Variants in RP1L1 observed in about 807,000 individuals in gnomAD.
RP1L1 encodes the protein RP1 like 1.
In RP1L1, 27 loss-of-function variants were observed where a neutral mutation model predicts 15.7. The ratio of observed to expected loss-of-function variants is 1.72; its 90% CI spans 1.27 to 2.38. The LOEUF (loss-of-function observed/expected upper bound fraction) is 2.38. RP1L1 is among the 30% of genes most tolerant of loss of function. The pLI is 0.00. For synonymous variants in RP1L1, 1,813 were observed against 1,276.7 expected (o/e 1.42, Z -8.96); for missense variants, 4,798 against 3,075.9 (o/e 1.56, Z -13.24).
intron 1 of RP1L1, among the ~76,000 whole-genome samples, chr8:10,648,329 G>A (rs1410463516): frequency 6.6e-6 from 1 of 152,076 alleles, no homozygotes; most frequent in African/African-American, 2.4e-5. Flanking sequence ...ACCGCACCTG[G>A]CCAATTTTCT....
chr8:10,616,710 A>T, intron 2 of RP1L1, 123 bp from the exon 3 acceptor site: 1 of 1,152,294 alleles, frequency 8.7e-7, no homozygotes, highest in Non-Finnish European at 1.2e-6. Context: ...CTCACCCCAG[A>T]CTCCTGGTCC....
intron 1 of RP1L1, among the ~76,000 whole-genome samples, chr8:10,647,264 G>A (rs1404675873): frequency 6.6e-6 from 1 of 152,174 alleles, no homozygotes; most frequent in East Asian, 1.9e-4. Flanking sequence ...TCCTTCCCAG[G>A]GGACATATCT....
At chr8:10,632,207 G>A (rs1798263606) in intron 1 of RP1L1, among the ~76,000 whole-genome samples, 1 of 152,172 alleles carries the variant, frequency 6.6e-6, no homozygotes, top group Admixed American at 6.5e-5. Flanking sequence ...GGGCACCAAT[G>A]TCCGACTGTG....
In RP1L1 at chr8:10,606,773, C is replaced by G. The variant is rs551888547; in HGVS notation, c.*122G>C. On this transcript the variant is annotated 3_prime_UTR_variant, in exon 4 of 4. Coordinates refer to ENST00000382483, the MANE Select transcript of RP1L1 (RefSeq NM_178857.6). ...GCATGGGCTGTGTCCTTGGCAAGTCCTTGGTCTTTGTCCATGTACTATGGA... is the reference window on the plus strand; with the variant it reads ...GCATGGGCTGTGTCCTTGGCAAGTCGTTGGTCTTTGTCCATGTACTATGGA... 151 of 1,529,694 alleles carry G rather than the reference C, an allele frequency of 9.9e-5. No individual in the cohort carries two copies. The East Asian group carries it at 3.5e-3, about 35-fold the overall frequency. The allele number at this position is 1,529,694 out of a possible 1,614,324, so 94.8% of individuals were successfully genotyped here.
At chr8:10,624,657 C>A (rs577990443) in intron 1 of RP1L1, among the ~76,000 whole-genome samples, 1 of 150,076 alleles carries the variant, frequency 6.7e-6, no homozygotes, top group Non-Finnish European at 1.5e-5. Context: ...GGTGGAAGGC[C>A]GGGAGGAGAA....
At chr8:10,616,424 G>T in intron 3 of RP1L1, 22 bp downstream of exon 3, 1 of 1,614,154 alleles carries the variant, frequency 6.2e-7, no homozygotes, top group East Asian at 2.2e-5. Flanking sequence ...ATCAGATGGG[G>T]GAAACCCAAA....
chr8:10,615,651 C>T (rs952957139), intron 3 of RP1L1, among the ~76,000 whole-genome samples: 19 of 152,138 alleles, frequency 1.2e-4, no homozygotes, highest in African/African-American at 4.6e-4. Flanking sequence ...CCCTCAGCCT[C>T]CTGAGTAGCT....
At chr8:10,616,636 T>C in intron 2 of RP1L1, 49 bp from the exon 3 acceptor site, 2 of 1,577,572 alleles carry the variant, frequency 1.3e-6, no homozygotes, top group Non-Finnish European at 8.6e-7. Context: ...CAGAAACCCC[T>C]CTACCCTGAG....
At chr8:10,653,459 A>AACACACACACACACACAC (rs57172931) in intron 1 of RP1L1, among the ~76,000 whole-genome samples, 21 of 148,812 alleles carry the variant, frequency 1.4e-4, no homozygotes, top group African/African-American at 3.7e-4. Context: ...GTCTCCCTCC[A>AACACACACACACACACAC]ACACACACAC....
chr8:10,612,678 TG>T lies in RP1L1; in HGVS notation c.1419del (p.Arg474GlyfsTer16). 1 of 1,602,336 alleles carries T rather than the reference TG, an allele frequency of 6.2e-7. No individual in the cohort carries two copies. On this transcript the variant is annotated frameshift_variant, in exon 4 of 4. Coordinates refer to ENST00000382483, the MANE Select transcript of RP1L1 (RefSeq NM_178857.6). LOFTEE classifies it low-confidence loss of function (END_TRUNC). ...EGSEPESSCCPRTPEDGVDSA... is the reference protein window; with the variant it reads ...EGSEPESSCCXRTPEDGVDSA... ...CTGTCCACCCCGTCCTCCGGGGTCCTGGGGCAGCAGGAGGACTCTGGCTCCG... is the reference window on the plus strand; with the variant it reads ...CTGTCCACCCCGTCCTCCGGGGTCCTGGGCAGCAGGAGGACTCTGGCTCCG...
In RP1L1 at chr8:10,611,986, A is replaced by G. The variant is rs372077597; in HGVS notation, c.2112T>C (p.Tyr704=). 5 of 1,613,812 alleles carry G rather than the reference A, an allele frequency of 3.1e-6. No individual in the cohort carries two copies. Among genetic ancestry groups the G allele is most frequent in the Non-Finnish European group, 4.2e-6 (5 of 1,179,988 alleles). The change falls in exon 4 of 4, where the codon TAT becomes TAC. Residue 704 remains tyrosine, a synonymous_variant. Coordinates refer to ENST00000382483, the MANE Select transcript of RP1L1 (RefSeq NM_178857.6). ...TCCTGGTGCTCGATGAGCTTCCAGA[A>G]TATCGTGGCACTGAGCCATCCTGGC... ...RACQDGSVPR[Y]SGSSSSTRTQ... is the part of the protein sequence containing the mutation.
rs754420197 is a variant in RP1L1, at chr8:10,611,864, T to G, written c.2234A>C (p.His745Pro). 1.2e-6 allele frequency: 2 copies of G among 1,613,496 alleles called. No homozygotes were observed. The highest frequency in any genetic ancestry group is 1.3e-5 in the African/African-American group (1 of 74,874). Residue 745 changes from histidine (H) to proline (P), a missense_variant, in exon 4 of 4, where the codon CAC (histidine) becomes CCC (proline). Coordinates refer to ENST00000382483, the MANE Select transcript of RP1L1 (RefSeq NM_178857.6). ...GGAGACTCCAGAAACAAAATCCGAG[T>G]GGACTGCAGGGGTGACAGTGGCACT... ...TSSATVTPAV[H>P]SDFVSGVSPH...
chr8:10,651,347 C>T (rs569696675), intron 1 of RP1L1, among the ~76,000 whole-genome samples: 1 of 152,322 alleles, frequency 6.6e-6, no homozygotes, highest in East Asian at 1.9e-4. Context: ...TCTGAAATGA[C>T]CTTGCCAGGT....
At chr8:10,647,427 C>A (rs1391832582) in intron 1 of RP1L1, among the ~76,000 whole-genome samples, 1 of 152,082 alleles carries the variant, frequency 6.6e-6, no homozygotes, top group East Asian at 1.9e-4. Flanking sequence ...AACCATCACC[C>A]CCATCTGTCT....
chr8:10,609,970 T>C lies in RP1L1; in HGVS notation c.4128A>G (p.Glu1376=). ...GLQEEGVQLE[E]VKEGPEGGLQ... ...GTCCTCCTTCTGGCCCTTCTTTAAC[T>C]TCCTCTAACTGCACCCCCTCTTCTT... Residue 1376 remains glutamate (E), a synonymous_variant, in exon 4 of 4, where the codon GAA becomes GAG. Coordinates refer to ENST00000382483, the MANE Select transcript of RP1L1 (RefSeq NM_178857.6). 1 of 1,597,030 alleles carries C rather than the reference T, an allele frequency of 6.3e-7. No homozygotes were observed. The highest frequency in any genetic ancestry group is 8.6e-7 in the Non-Finnish European group (1 of 1,168,854).
At chr8:10,650,943 A>G (rs1257291459) in intron 1 of RP1L1, among the ~76,000 whole-genome samples, 1 of 152,218 alleles carries the variant, frequency 6.6e-6, no homozygotes, top group Non-Finnish European at 1.5e-5. Flanking sequence ...AATTGCCATT[A>G]TTATCCCCGT....
intron 1 of RP1L1, among the ~76,000 whole-genome samples, chr8:10,623,511 AACCACCATGAAACCAGG>A (rs913250583): frequency 8.2e-4 from 34 of 41,376 alleles, no homozygotes; most frequent in African/African-American, 2.8e-3. Context: ...ATGTCCCCAG[AACCACCATGAAACCAGG>A]ACCACAATGT....
rs913965266 is a variant in RP1L1 at position 10,646,924 on chromosome 8, A to T, written c.-20+7974T>A. On this transcript the variant is annotated intron_variant, in intron 1 of 3. Coordinates refer to ENST00000382483, the MANE Select transcript of RP1L1 (RefSeq NM_178857.6). ...TTGCAGTCACTTTTCTCAAATGCCA[A>T]CCTCCCCCCCTCAGTTGTCAGCTTC... Among the ~76,000 whole-genome samples the T allele has an allele frequency of 3.2e-4, 48 of 151,968 alleles. 1 individual carries two copies. The highest frequency in any genetic ancestry group is 1.1e-3 in the African/African-American group (44 of 41,350).
intron 3 of RP1L1, among the ~76,000 whole-genome samples, chr8:10,614,830 C>T (rs913591629): frequency 5.9e-5 from 9 of 151,978 alleles, no homozygotes; most frequent in East Asian, 1.9e-4. Flanking sequence ...ATGTAAATGA[C>T]GAGTTAATGG....
Sources: gnomAD v4.1 joint callset for allele counts (sites outside exome capture counted in the v4.1 genomes callset) on GRCh38, gnomAD v4.1.1 for gene constraint, MANE v1.5 for transcripts, NCBI Gene and HGNC (gene_info 2026-07-23, HGNC 2026-07-21) for gene names.